The following PCDH9 variants were observed in gnomAD, a reference collection of about 807,000 sequenced individuals.
The protein encoded by PCDH9 is protocadherin-9.
Under a neutral mutation model 70.6 loss-of-function variants are expected in PCDH9, and 24 were observed. That is an observed-to-expected ratio of 0.34 (90% confidence interval 0.25 to 0.48). PCDH9 has a LOEUF of 0.48. Ranked by LOEUF, PCDH9 falls within the 20% of genes least tolerant of loss-of-function variation. The pLI is 0.99. For missense variants in PCDH9, 1,281 were observed against 1,503.6 expected (o/e 0.85, Z 2.45); for synonymous variants, 562 against 558.5 (o/e 1.01, Z -0.09).
At chr13:66,433,047 A>G (rs1593971342) in intron 4 of PCDH9, among the ~76,000 whole-genome samples, 1 of 152,116 alleles carries the variant, frequency 6.6e-6, no homozygotes, top group Admixed American at 6.6e-5. Flanking sequence ...GGGCAGAAGA[A>G]TATTAAAATT....
chr13:66,388,976 T>C (rs920045802), intron 4 of PCDH9, among the ~76,000 whole-genome samples: 1 of 152,204 alleles, frequency 6.6e-6, no homozygotes, highest in African/African-American at 2.4e-5. Flanking sequence ...CAAAATAAAT[T>C]ATTATGCAAC....
At chr13:66,754,757 A>T (rs900661815) in intron 3 of PCDH9, among the ~76,000 whole-genome samples, 1 of 152,196 alleles carries the variant, frequency 6.6e-6, no homozygotes, top group Non-Finnish European at 1.5e-5. Flanking sequence ...TCCTAGATCA[A>T]AATAATACAT....
intron 4 of PCDH9, among the ~76,000 whole-genome samples, chr13:66,548,697 C>T (rs1384051436): frequency 3.3e-5 from 5 of 152,182 alleles, no homozygotes; most frequent in Non-Finnish European, 5.9e-5. Context: ...AAAAGGCCTA[C>T]ATTTGAGCAA....
intron 4 of PCDH9, among the ~76,000 whole-genome samples, chr13:66,609,820 A>G (rs950842824): frequency 3.3e-5 from 5 of 152,146 alleles, no homozygotes; most frequent in Admixed American, 6.5e-5. Context: ...CTAGTACTTC[A>G]TTCATAAAAA....
Position 66,950,877 on chromosome 13 carries a change from C to A in PCDH9, c.3037-47272G>T, listed in dbSNP as rs2083168163. Among the ~76,000 whole-genome samples, 3 of 152,208 alleles carry A rather than the reference C, an allele frequency of 2.0e-5. No homozygotes were observed. In the South Asian group the frequency reaches 6.2e-4, roughly 31 times the overall value. ...TCATATGGCATAGGACAGGTTTTCC[C>A]ATTGTGTATTTATTTTTTCTCATTA... On this transcript the variant is annotated intron_variant, in intron 2 of 4. Transcript: ENST00000377865.
At chr13:66,565,866 A>T (rs2076645144) in intron 4 of PCDH9, among the ~76,000 whole-genome samples, 1 of 152,154 alleles carries the variant, frequency 6.6e-6, no homozygotes, top group Admixed American at 6.5e-5. Context: ...CCTCCTATGG[A>T]AAAAAACAAA....
intron 3 of PCDH9, among the ~76,000 whole-genome samples, chr13:66,688,368 T>C (rs530731640): frequency 6.6e-6 from 1 of 152,310 alleles, no homozygotes; most frequent in Admixed American, 6.5e-5. Flanking sequence ...GCTGTCTCAG[T>C]ATTCTTCAGC....
At chr13:66,489,282 G>A (rs1283456038) in intron 4 of PCDH9, among the ~76,000 whole-genome samples, 2 of 152,112 alleles carry the variant, frequency 1.3e-5, no homozygotes, top group African/African-American at 4.8e-5. Context: ...AGCATTCCAA[G>A]ACTGGGGTTT....
At chr13:66,649,528 T>C (rs1284405127) in intron 3 of PCDH9, among the ~76,000 whole-genome samples, 1 of 152,056 alleles carries the variant, frequency 6.6e-6, no homozygotes, top group Non-Finnish European at 1.5e-5. Context: ...AGGGATTTCA[T>C]CAACACCAGA....
At chr13:66,781,738 C>T (rs2080001741) in intron 3 of PCDH9, among the ~76,000 whole-genome samples, 2 of 152,072 alleles carry the variant, frequency 1.3e-5, no homozygotes, top group Admixed American at 6.6e-5. Context: ...GATTTGGATG[C>T]TTCAAGTGTC....
At chr13:66,562,689 G>T (rs547969195) in intron 4 of PCDH9, among the ~76,000 whole-genome samples, 2 of 152,182 alleles carry the variant, frequency 1.3e-5, no homozygotes, top group East Asian at 3.9e-4. Context: ...TGAGGATTAG[G>T]GGAGCTGCAA....
chr13:66,529,423 CTG>C lies in PCDH9; in HGVS notation c.3340+101785_3340+101786del, dbSNP rs548472189. On this transcript the variant is annotated intron_variant, in intron 4 of 4. Coordinates refer to ENST00000377865, the MANE Select transcript of PCDH9 (RefSeq NM_203487.3). ...AACTACTTTGGAGGGAAAACTGAAACTGTCTTTTATTACTATTTGTATGAAGT... is the reference window on the plus strand; with the variant it reads ...AACTACTTTGGAGGGAAAACTGAAACTCTTTTATTACTATTTGTATGAAGT... Among the ~76,000 whole-genome samples the C allele has an allele frequency of 2.5e-3, 376 of 152,066 alleles. 3 individuals carry two copies. Among genetic ancestry groups the C allele is most frequent in the African/African-American group, 8.9e-3 (368 of 41,494 alleles).
intron 4 of PCDH9, among the ~76,000 whole-genome samples, chr13:66,461,353 A>T (rs9529069): frequency 0.19 from 28,582 of 151,588 alleles, 2,850 homozygotes; most frequent in Non-Finnish European, 0.21. Context: ...CTGGGACACT[A>T]TACATTTCTA....
chr13:66,335,600 A>G (rs1227151362), intron 4 of PCDH9, among the ~76,000 whole-genome samples: 1 of 152,140 alleles, frequency 6.6e-6, no homozygotes, highest in Non-Finnish European at 1.5e-5. Flanking sequence ...GGAAAATCAG[A>G]AACATTAATT....
chr13:66,549,079 A>C (rs1169507961), intron 4 of PCDH9, among the ~76,000 whole-genome samples: 1 of 152,136 alleles, frequency 6.6e-6, no homozygotes, highest in Non-Finnish European at 1.5e-5. Context: ...TTTCCAAGAA[A>C]TTCTTTTCCT....
At chr13:66,583,308 A>G (rs936706965) in intron 4 of PCDH9, among the ~76,000 whole-genome samples, 3 of 152,118 alleles carry the variant, frequency 2.0e-5, no homozygotes, top group Non-Finnish European at 2.9e-5. Context: ...TTATCTACTC[A>G]ATGTTTAAGA....
intron 2 of PCDH9, among the ~76,000 whole-genome samples, chr13:67,186,045 T>C (rs1258255008): frequency 1.3e-5 from 2 of 152,286 alleles, no homozygotes; most frequent in Middle Eastern, 3.4e-3. Context: ...CAAGCATCTT[T>C]AATAAGCATT....
At chr13:66,763,271 A>C (rs1220260031) in intron 3 of PCDH9, among the ~76,000 whole-genome samples, 3 of 152,044 alleles carry the variant, frequency 2.0e-5, no homozygotes, top group Non-Finnish European at 4.4e-5. Context: ...ATAAACGTAC[A>C]ACTTTGACAA....
At chr13:67,073,719 A>C (rs1005309383) in intron 2 of PCDH9, among the ~76,000 whole-genome samples, 7 of 152,100 alleles carry the variant, frequency 4.6e-5, no homozygotes. Flanking sequence ...AGCATTACTT[A>C]TGTTATGCAG....
Sources: allele counts gnomAD v4.1 joint callset (sites outside exome capture counted in the v4.1 genomes callset), GRCh38; gene constraint gnomAD v4.1.1; transcripts MANE v1.5; gene names NCBI Gene and HGNC (gene_info 2026-07-23, HGNC 2026-07-21).